The following NEGR1 variants were observed in gnomAD, a reference collection of about 807,000 sequenced individuals.
NEGR1 encodes the protein neuronal growth regulator 1, also known as IgLON family member 4.
In NEGR1, 10 loss-of-function variants were observed where a neutral mutation model predicts 40.9. That is an observed-to-expected ratio of 0.24 (90% CI 0.15 to 0.42). The LOEUF is 0.42. Ranked by LOEUF, NEGR1 falls within the 10% of genes least tolerant of loss-of-function variation. The pLI is 1.00. For synonymous variants in NEGR1, 185 were observed against 166.8 expected, an observed-to-expected ratio of 1.11 and a Z score of -0.84; for missense variants, 352 against 438.9, an observed-to-expected ratio of 0.80 and a Z score of 1.77.
chr1:71,501,322 G>A (rs1263778530), intron 6 of NEGR1, among the ~76,000 whole-genome samples: 2 of 152,046 alleles, frequency 1.3e-5, no homozygotes, highest in African/African-American at 4.8e-5. Context: ...TGCATTAATT[G>A]TGATTCAATG....
intron 1 of NEGR1, among the ~76,000 whole-genome samples, chr1:72,021,505 G>A (rs999293403): frequency 5.3e-5 from 8 of 151,992 alleles, no homozygotes; most frequent in Non-Finnish European, 8.8e-5. Context: ...AGCTGGCAAA[G>A]TTAATAAATC....
At chr1:72,254,055 G>C (rs1655186068) in intron 1 of NEGR1, among the ~76,000 whole-genome samples, 1 of 152,126 alleles carries the variant, frequency 6.6e-6, no homozygotes, top group Non-Finnish European at 1.5e-5. Flanking sequence ...ACAGTAACTA[G>C]AATGGCCTAC....
At chr1:71,453,092 C>G (rs923628716) in intron 6 of NEGR1, among the ~76,000 whole-genome samples, 2 of 152,108 alleles carry the variant, frequency 1.3e-5, no homozygotes, top group African/African-American at 4.8e-5. Flanking sequence ...CTTTCATGCT[C>G]CAAGCGTCTC....
Position 71,403,134 on chromosome 1 carries a change from A to C in NEGR1, c.*4312T>G, listed in dbSNP as rs1646256692. On this transcript the variant is annotated 3_prime_UTR_variant, in exon 7 of 7. Coordinates refer to ENST00000357731, the MANE Select transcript of NEGR1 (RefSeq NM_173808.3). Reference sequence around the variant, plus strand: ...TCATTTATTCAGTTGACTATCATAGATGAACAGATATGGGAAAGAGGGCTT... The same window carrying C: ...TCATTTATTCAGTTGACTATCATAGCTGAACAGATATGGGAAAGAGGGCTT... 6.6e-6 allele frequency: 1 copy of C among 152,100 alleles called. No homozygotes were observed. Among genetic ancestry groups the C allele is most frequent in the Non-Finnish European group, 1.5e-5 (1 of 67,956 alleles). The allele number at this position is 152,100 out of a possible 1,614,324, so 9.4% of individuals were successfully genotyped here.
chr1:71,611,994 G>A (rs879475361), intron 4 of NEGR1, among the ~76,000 whole-genome samples: 5 of 152,286 alleles, frequency 3.3e-5, no homozygotes, highest in Admixed American at 2.0e-4. Flanking sequence ...AGGCCGAGGC[G>A]GGTGGCCCAC....
intron 6 of NEGR1, among the ~76,000 whole-genome samples, chr1:71,532,825 A>G (rs888412310): frequency 6.6e-6 from 1 of 151,600 alleles, no homozygotes; most frequent in Non-Finnish European, 1.5e-5. Flanking sequence ...TTTAATGGAA[A>G]AGTACCCAGA....
intron 6 of NEGR1, among the ~76,000 whole-genome samples, chr1:71,522,813 T>G (rs529676142): frequency 6.6e-6 from 1 of 151,396 alleles, no homozygotes; most frequent in East Asian, 2.0e-4. Flanking sequence ...CACACGCTCC[T>G]ATGTGTGCTT....
At chr1:71,428,228 C>T (rs531724033) in intron 6 of NEGR1, among the ~76,000 whole-genome samples, 1 of 152,168 alleles carries the variant, frequency 6.6e-6, no homozygotes, top group Non-Finnish European at 1.5e-5. Context: ...ACGGCAGTGC[C>T]AGCTCTGGGT....
At chr1:72,106,246 C>A (rs911055495) in intron 1 of NEGR1, among the ~76,000 whole-genome samples, 1 of 152,036 alleles carries the variant, frequency 6.6e-6, no homozygotes, top group African/African-American at 2.4e-5. Context: ...AGCTTGGTCT[C>A]ACTGGTATAT....
intron 1 of NEGR1, among the ~76,000 whole-genome samples, chr1:71,942,945 C>G (rs560329976): frequency 7.9e-5 from 11 of 139,028 alleles, no homozygotes; most frequent in African/African-American, 2.9e-4. Context: ...GTCACCATGC[C>G]TGGCCCTAAG....
At chr1:71,935,649 T>C (rs181262880) in intron 1 of NEGR1, among the ~76,000 whole-genome samples, 1 of 152,276 alleles carries the variant, frequency 6.6e-6, no homozygotes, top group Non-Finnish European at 1.5e-5. Flanking sequence ...TACACAATTT[T>C]CTGCATTAAA....
intron 2 of NEGR1, among the ~76,000 whole-genome samples, chr1:71,888,531 C>G (rs1194250688): frequency 2.6e-5 from 4 of 151,134 alleles, no homozygotes; most frequent in Non-Finnish European, 5.9e-5. Context: ...CGGCGCACCA[C>G]GAGACTATAT....
At chr1:72,160,801 G>A (rs1012542731) in intron 1 of NEGR1, among the ~76,000 whole-genome samples, 15 of 152,104 alleles carry the variant, frequency 9.9e-5, no homozygotes, top group African/African-American at 3.6e-4. Context: ...TTACCTGAAG[G>A]TAGAAAAATG....
At chr1:72,253,238 T>C (rs1655164108) in intron 1 of NEGR1, among the ~76,000 whole-genome samples, 1 of 152,188 alleles carries the variant, frequency 6.6e-6, no homozygotes, top group South Asian at 2.1e-4. Context: ...TCTCTAATAG[T>C]TCTATTTTCA....
At chr1:71,649,902 G>A (rs1438125489) in intron 4 of NEGR1, among the ~76,000 whole-genome samples, 1 of 152,068 alleles carries the variant, frequency 6.6e-6, no homozygotes, top group East Asian at 1.9e-4. Flanking sequence ...TCTGTAAAAT[G>A]ATGGGATTGG....
chr1:72,207,007 G>T (rs1426252482), intron 1 of NEGR1, among the ~76,000 whole-genome samples: 1 of 149,860 alleles, frequency 6.7e-6, no homozygotes. Flanking sequence ...AGAGACATAA[G>T]TTATTCCTAA....
Position 71,402,943 on chromosome 1 carries a change from G to C in NEGR1, c.*4503C>G, listed in dbSNP as rs1202520114. ...AAAAGGGAAGAAATAATGAAGCTGT[G>C]GGGGAAATCAGACATTTATTAGAAC... is the stretch of plus-strand genomic sequence containing the variant. On this transcript the variant is annotated 3_prime_UTR_variant, in exon 7 of 7. Coordinates refer to ENST00000357731, the MANE Select transcript of NEGR1 (RefSeq NM_173808.3). 1 of 152,046 alleles carries C rather than the reference G, an allele frequency of 6.6e-6. No homozygotes were observed. Among genetic ancestry groups the C allele is most frequent in the African/African-American group, 2.4e-5 (1 of 41,416 alleles). The allele number at this position is 152,046 out of a possible 1,614,324, so 9.4% of individuals were successfully genotyped here. A position where few individuals can be genotyped will look rare whatever the true frequency, so the allele number is the denominator to read the frequency against.
At chr1:72,056,721 T>G (rs1211793316) in intron 1 of NEGR1, among the ~76,000 whole-genome samples, 1 of 151,548 alleles carries the variant, frequency 6.6e-6, no homozygotes, top group Non-Finnish European at 1.5e-5. Flanking sequence ...AATTCATTTT[T>G]ATTGAATTAG....
chr1:71,773,257 TA>T (rs1465799729), intron 3 of NEGR1, among the ~76,000 whole-genome samples: 1 of 152,196 alleles, frequency 6.6e-6, no homozygotes, highest in African/African-American at 2.4e-5. Flanking sequence ...TGGGCATTGC[TA>T]AAAACCCTAA....
Sources: gnomAD v4.1 joint callset for allele counts (sites outside exome capture counted in the v4.1 genomes callset) on GRCh38, gnomAD v4.1.1 for gene constraint, MANE v1.5 for transcripts, NCBI Gene and HGNC (gene_info 2026-07-23, HGNC 2026-07-21) for gene names.